ACBD6: variants seen among roughly 807,000 people sequenced by gnomAD.
ACBD6 encodes the protein acyl-CoA binding domain containing 6, also known as acyl-CoA-binding domain-containing protein 6.
A neutral mutation model predicts 37.2 loss-of-function variants in ACBD6; 28 were observed. The observed-to-expected ratio is 0.75, with a 90% CI of 0.56 to 1.03. The LOEUF is 1.03. Ranked by LOEUF, ACBD6 falls within the 50% of genes least tolerant of loss-of-function variation. The probability of loss-of-function intolerance (pLI) is 0.00; values close to 1 mark genes in which losing one functional copy is unlikely to be tolerated. For synonymous variants in ACBD6, 113 were observed against 126.8 expected, an observed-to-expected ratio of 0.89 and a Z score of 0.73; for missense variants, 340 against 337.4, an observed-to-expected ratio of 1.01 and a Z score of -0.06.
downstream of ACBD6, among the ~76,000 whole-genome samples, chr1:180,285,608 T>C (rs1288500726): frequency 6.6e-6 from 1 of 152,196 alleles, no homozygotes; most frequent in Non-Finnish European, 1.5e-5. Flanking sequence ...AGCATATATT[T>C]GTCTGGACGC....
chr1:180,403,716 T>C lies in ACBD6; in HGVS notation c.574-6111A>G, dbSNP rs146489788. 2.6e-5 allele frequency among the ~76,000 whole-genome samples: 4 copies of C among 152,314 alleles called. No individual in the cohort carries two copies. In the East Asian group the frequency reaches 5.8e-4, roughly 22 times the overall value. ...ATATCTGAATAAACAAAATGTGGTA[T>C]ATGCATACAATGGAATATTATTCAT... On this transcript the variant is annotated intron_variant, in intron 5 of 7. Transcript: ENST00000367595.
intron 3 of ACBD6, among the ~76,000 whole-genome samples, chr1:180,453,279 T>C (rs1571531376): frequency 6.6e-6 from 1 of 152,316 alleles, no homozygotes; most frequent in East Asian, 1.9e-4. Context: ...AATCAATAAA[T>C]ATAATCCATC....
intron 6 of ACBD6, among the ~76,000 whole-genome samples, chr1:180,391,749 C>T (rs1264807038): frequency 1.3e-5 from 2 of 152,028 alleles, no homozygotes; most frequent in African/African-American, 4.8e-5. Flanking sequence ...CAAGCAGTTC[C>T]TCAAAAGGTT....
chr1:180,284,353 T>C (rs1385479626), downstream of ACBD6, among the ~76,000 whole-genome samples: 1 of 151,716 alleles, frequency 6.6e-6, no homozygotes, highest in Non-Finnish European at 1.5e-5. Flanking sequence ...TTACGAAAGA[T>C]GGTATTAAGG....
At chr1:180,459,336 CCG>C (rs1650041949) in intron 3 of ACBD6, among the ~76,000 whole-genome samples, 1 of 152,040 alleles carries the variant, frequency 6.6e-6, no homozygotes, top group Non-Finnish European at 1.5e-5. Flanking sequence ...TATATCTGAC[CCG>C]TTTGTTAAAG....
chr1:180,347,023 AAAAAC>A (rs143045679), intron 6 of ACBD6, among the ~76,000 whole-genome samples: 143,675 of 150,544 alleles, frequency 0.95, 68,628 homozygotes, highest in African/African-American at 0.99. Context: ...CTCAATTACA[AAAAAC>A]AAAACAAAAC....
At chr1:180,463,463 G>A (rs1178858327) in intron 3 of ACBD6, among the ~76,000 whole-genome samples, 1 of 151,888 alleles carries the variant, frequency 6.6e-6, no homozygotes, top group Non-Finnish European at 1.5e-5. Context: ...ATAAGAAATG[G>A]ATAAATTCCT....
intron 6 of ACBD6, among the ~76,000 whole-genome samples, chr1:180,316,454 A>G (rs1373622245): frequency 6.6e-6 from 1 of 152,142 alleles, no homozygotes; most frequent in Admixed American, 6.5e-5. Context: ...AATCTACTGC[A>G]ATTTCAGGAT....
rs1650545633 is a variant in ACBD6 at position 180,471,031 on chromosome 1, G to T, written c.384+21238C>A. ...GTGAATATAACATAAATAGAAATTT[G>T]CAACTTAAGAATTTGTTCTTCTGTT... On this transcript the variant is annotated intron_variant, in intron 3 of 7. Transcript: ENST00000367595. Among the ~76,000 whole-genome samples the T allele has an allele frequency of 2.6e-5, 4 of 152,256 alleles. No homozygotes were observed. The South Asian group carries it at 8.3e-4, about 32-fold the overall frequency.
intron 3 of ACBD6, among the ~76,000 whole-genome samples, chr1:180,439,075 C>A (rs1395781412): frequency 3.3e-5 from 5 of 152,136 alleles, no homozygotes; most frequent in Non-Finnish European, 7.3e-5. Context: ...ATTTAAGGTT[C>A]CTCCATGTCT....
intron 3 of ACBD6, among the ~76,000 whole-genome samples, chr1:180,448,942 ATTCTG>A (rs1649586580): frequency 2.0e-5 from 3 of 152,164 alleles, no homozygotes; most frequent in Admixed American, 2.0e-4. Flanking sequence ...TATCCTAGTT[ATTCTG>A]TTAAGGAAGG....
At position 180,408,451 on chromosome 1, in the gene ACBD6, T is replaced by C. The variant is rs927367634; in HGVS notation, c.573+4915A>G. 2.6e-5 allele frequency among the ~76,000 whole-genome samples: 4 copies of C among 151,922 alleles called. 1 individual carries two copies. The highest frequency in any genetic ancestry group is 6.8e-3 in the Middle Eastern group (2 of 294). On this transcript the variant is annotated intron_variant, in intron 5 of 7. Coordinates refer to ENST00000367595, the MANE Select transcript of ACBD6 (RefSeq NM_032360.4). ...ATCAAACACTGCATGTTCTCACTCA[T>C]AGGTGGGAATTGAACAATGAGAACA...
chr1:180,368,574 C>T (rs1414172399), intron 6 of ACBD6, among the ~76,000 whole-genome samples: 1 of 151,972 alleles, frequency 6.6e-6, no homozygotes, highest in African/African-American at 2.4e-5. Flanking sequence ...GGAAGGGGTC[C>T]AACTTCAATC....
At chr1:180,420,744 G>A (rs762534767) in intron 4 of ACBD6, among the ~76,000 whole-genome samples, 28 of 152,154 alleles carry the variant, frequency 1.8e-4, no homozygotes, top group Admixed American at 5.2e-4. Context: ...GCTTCTTATT[G>A]TACAACCAAA....
chr1:180,272,034 A>G, intron 13 of ACBD6: 1 of 1,596,818 alleles, frequency 6.3e-7, no homozygotes, highest in Non-Finnish European at 8.5e-7. Flanking sequence ...GGCCAGGCCG[A>G]GGCCTTAGGA....
At chr1:180,291,877 T>G (rs575872934) in intron 7 of ACBD6, among the ~76,000 whole-genome samples, 52 of 152,166 alleles carry the variant, frequency 3.4e-4, no homozygotes, top group Non-Finnish European at 6.9e-4. Context: ...GCTCACCTTT[T>G]TGTTTTGTTT....
chr1:180,274,061 T>G, exon 11 of ACBD6: 1 of 1,239,418 alleles, frequency 8.1e-7, no homozygotes, highest in Non-Finnish European at 1.2e-6. Context: ...GACCCATGCT[T>G]GGCTGCAAGG....
At chr1:180,478,579 C>T (rs1214260710) in intron 3 of ACBD6, among the ~76,000 whole-genome samples, 3 of 151,820 alleles carry the variant, frequency 2.0e-5, no homozygotes, top group Non-Finnish European at 4.4e-5. Context: ...ACCTCTGCCT[C>T]CCAGGTTCAA....
At chr1:180,429,479 C>T (rs1359328076) in intron 4 of ACBD6, among the ~76,000 whole-genome samples, 15 of 152,134 alleles carry the variant, frequency 9.9e-5, no homozygotes, top group Admixed American at 9.8e-4. Flanking sequence ...ATTGTATATA[C>T]CACATTTTGT....
Sources: gnomAD v4.1 joint callset for allele counts (sites outside exome capture counted in the v4.1 genomes callset) on GRCh38, gnomAD v4.1.1 for gene constraint, MANE v1.5 for transcripts, NCBI Gene and HGNC (gene_info 2026-07-23, HGNC 2026-07-21) for gene names.